The following MCOLN2 variants were observed in gnomAD, a reference collection of about 807,000 sequenced individuals.
MCOLN2 encodes the protein mucolipin-2.
MCOLN2 carries 57 observed loss-of-function variants against 67.5 expected under a neutral mutation model. The ratio of observed to expected loss-of-function variants is 0.84; its 90% CI spans 0.68 to 1.05. The LOEUF (loss-of-function observed/expected upper bound fraction) is 1.05, where lower values mean the gene tolerates loss of function less well. MCOLN2 is among the 50% of genes least tolerant of loss of function. The probability of loss-of-function intolerance (pLI) is 0.00; values close to 1 mark genes in which losing one functional copy is unlikely to be tolerated. For synonymous variants in MCOLN2, 246 were observed against 233.3 expected (o/e 1.05, Z -0.50); for missense variants, 620 against 678.8 (o/e 0.91, Z 0.96).
chr1:84,968,607 G>T (rs1175045835), intron 1 of MCOLN2, among the ~76,000 whole-genome samples: 1 of 152,096 alleles, frequency 6.6e-6, no homozygotes, highest in Non-Finnish European at 1.5e-5. Flanking sequence ...GTTTTTGTCC[G>T]CAGCTCCTAG....
At chr1:84,964,527 G>C (rs538197327) in intron 2 of MCOLN2, among the ~76,000 whole-genome samples, 5 of 85,188 alleles carry the variant, frequency 5.9e-5, no homozygotes, top group East Asian at 6.2e-4. Context: ...GGGCAGGAGT[G>C]GGGGGGGGTG....
Position 84,955,796 on chromosome 1 carries a change from A to T in MCOLN2, c.565+635T>A, listed in dbSNP as rs528551349. On this transcript the variant is annotated intron_variant, in intron 4 of 13. Coordinates refer to ENST00000370608, the MANE Select transcript of MCOLN2 (RefSeq NM_153259.4). ...GAATAACTGGGATTATTACAGTATG[A>T]TATGAAAACATGATGACTACACACC... Among the ~76,000 whole-genome samples, 6 of 152,306 alleles carry T rather than the reference A, an allele frequency of 3.9e-5. No homozygotes were observed. In the South Asian group the frequency reaches 1.2e-3, roughly 32 times the overall value.
intron 13 of MCOLN2, among the ~76,000 whole-genome samples, chr1:84,927,620 C>T (rs1228419381): frequency 6.6e-6 from 1 of 152,132 alleles, no homozygotes; most frequent in East Asian, 1.9e-4. Context: ...GAAGAGTGAC[C>T]ACAGCCGTGC....
chr1:84,994,218 C>T (rs1265360231), intron 1 of MCOLN2, among the ~76,000 whole-genome samples: 1 of 152,208 alleles, frequency 6.6e-6, no homozygotes, highest in African/African-American at 2.4e-5. Flanking sequence ...AGTAGATTAA[C>T]ATAATTCTTA....
rs594412 is a variant in MCOLN2, at chr1:84,928,723, T to A, written c.1664+835A>T. Reference sequence around the variant, plus strand: ...GAAAACAACTCTTCTCAGATCTCATTTTCTATTTACCAGACATTCTCTGGA... The same window carrying A: ...GAAAACAACTCTTCTCAGATCTCATATTCTATTTACCAGACATTCTCTGGA... On this transcript the variant is annotated intron_variant, in intron 13 of 13. Transcript: ENST00000370608. Among the ~76,000 whole-genome samples, 588 of 152,310 alleles carry A rather than the reference T, an allele frequency of 3.9e-3. 8 individuals carry two copies. The highest frequency in any genetic ancestry group is 0.013 in the African/African-American group (559 of 41,578).
In MCOLN2 at chr1:84,929,641, C is replaced by T; in HGVS notation, c.1581G>A (p.Gln527=). 6.2e-7 allele frequency: 1 copy of T among 1,613,678 alleles called. No homozygotes were observed. Among genetic ancestry groups the T allele is most frequent in the Non-Finnish European group, 8.5e-7 (1 of 1,179,714 alleles). Residue 527 remains glutamine (Q), a synonymous_variant, in exon 13 of 14, where the codon CAG becomes CAA. Transcript: ENST00000370608. The part of the protein sequence containing the change: ...QQNGFPETDL[Q]EFLKECSSKE... ...TGCTACTGCATTCCTTCAGGAATTC[C>T]TGCAAATCCGTTTCAGGAAACCCAT...
chr1:84,994,001 T>C (rs895586336), intron 1 of MCOLN2, among the ~76,000 whole-genome samples: 18 of 152,240 alleles, frequency 1.2e-4, no homozygotes, highest in African/African-American at 4.1e-4. Flanking sequence ...TGTTAACATA[T>C]ATGAAAACAA....
At chr1:84,930,139 T>C (rs373214975) in intron 12 of MCOLN2, among the ~76,000 whole-genome samples, 311 of 152,102 alleles carry the variant, frequency 2.0e-3, no homozygotes, top group African/African-American at 7.2e-3. Context: ...GGTGTGCACC[T>C]GTAGTCCCAG....
chr1:84,948,351 A>C (rs989510893), intron 6 of MCOLN2, among the ~76,000 whole-genome samples: 1 of 152,248 alleles, frequency 6.6e-6, no homozygotes, highest in African/African-American at 2.4e-5. Context: ...ACAACTGAAC[A>C]AACTGCATGG....
chr1:84,953,071 G>A (rs565922698), intron 4 of MCOLN2, among the ~76,000 whole-genome samples: 1 of 152,150 alleles, frequency 6.6e-6, no homozygotes, highest in African/African-American at 2.4e-5. Context: ...ATGTGAATAG[G>A]GTTTGTAGAA....
In MCOLN2 at chr1:84,947,025, ATACT is replaced by A. The variant is rs781520244; in HGVS notation, c.847+4_847+7del. 2.0e-5 allele frequency: 26 copies of A among 1,321,768 alleles called. No homozygotes were observed. The highest frequency in any genetic ancestry group is 2.7e-5 in the Non-Finnish European group (25 of 914,904). The allele number at this position is 1,321,768 out of a possible 1,614,324, so 81.9% of individuals were successfully genotyped here. ...TAATTCCCATGGGCAAGTATATAGCATACTTACTAGATCCAAATATGTTCAAGTC... is the reference window on the plus strand; with the variant it reads ...TAATTCCCATGGGCAAGTATATAGCATACTAGATCCAAATATGTTCAAGTC... On this transcript the variant is annotated splice_donor_5th_base_variant and intron_variant, in intron 7 of 13. Transcript: ENST00000370608.
At chr1:84,932,503 G>GT (rs1474183690) in intron 11 of MCOLN2, among the ~76,000 whole-genome samples, 1 of 152,136 alleles carries the variant, frequency 6.6e-6, no homozygotes, top group Non-Finnish European at 1.5e-5. Flanking sequence ...ATGAGCCACT[G>GT]TGCTCAGCTG....
intron 1 of MCOLN2, among the ~76,000 whole-genome samples, chr1:84,975,376 G>A (rs113432413): frequency 2.6e-5 from 4 of 152,182 alleles, no homozygotes; most frequent in African/African-American, 9.7e-5. Context: ...GACAAAAAGG[G>A]TAGAGAACAA....
intron 1 of MCOLN2, among the ~76,000 whole-genome samples, chr1:84,996,197 T>C (rs1651137795): frequency 1.3e-5 from 2 of 152,046 alleles, no homozygotes; most frequent in African/African-American, 4.8e-5. Context: ...CCACATCCCA[T>C]TTCTGGGGAG....
chr1:84,989,849 C>T (rs1371143), intron 1 of MCOLN2, among the ~76,000 whole-genome samples: 23,504 of 152,032 alleles, frequency 0.15, 1,945 homozygotes, highest in East Asian at 0.26. Flanking sequence ...TGAATCTGAA[C>T]AAGCCAGTGA....
Position 84,931,397 on chromosome 1 carries a change from T to C in MCOLN2, c.1507A>G (p.Ile503Val), listed in dbSNP as rs777467136. The C allele has an allele frequency of 2.5e-6, 4 of 1,595,776 alleles. No individual in the cohort carries two copies. In the South Asian group the frequency reaches 4.4e-5, roughly 18 times the overall value. ...LFIYMILSLF[I>V]ALITDSYDTI... ...TCATAAGAATCTGTAATAAGTGCAA[T>C]AAAAAGACTGAGAATCATATATATA... The change falls in exon 12 of 14, where the codon ATT (isoleucine) becomes GTT (valine). Residue 503 changes from isoleucine (I) to valine (V), a missense_variant. By Grantham distance (29) the Ile-to-Val change is conservative (BLOSUM62 3). Transcript: ENST00000370608.
intron 1 of MCOLN2, among the ~76,000 whole-genome samples, chr1:84,994,493 A>G (rs1361591192): frequency 1.3e-5 from 2 of 152,224 alleles, no homozygotes; most frequent in Non-Finnish European, 2.9e-5. Context: ...TGCAGCTTCT[A>G]TATCAGCACT....
intron 1 of MCOLN2, among the ~76,000 whole-genome samples, chr1:84,982,804 G>A (rs1013289893): frequency 2.0e-5 from 3 of 152,164 alleles, no homozygotes; most frequent in African/African-American, 7.2e-5. Context: ...GCAGGTTCAA[G>A]CAATTATCCT....
chr1:84,925,860 G>A lies in MCOLN2; in HGVS notation c.*825C>T, dbSNP rs924390217. The A allele has an allele frequency of 2.0e-5, 3 of 151,850 alleles. No individual in the cohort carries two copies. Among genetic ancestry groups the A allele is most frequent in the African/African-American group, 7.3e-5 (3 of 41,340 alleles). The allele number at this position is 151,850 out of a possible 1,614,324, so 9.4% of individuals were successfully genotyped here. ...ACAGGCCAAGAAATGTCCACTGCAT[G>A]AGCATGAGGTCTTTTTGTTGATTTA... On this transcript the variant is annotated 3_prime_UTR_variant, in exon 14 of 14. Transcript: ENST00000370608.
Sources: allele counts gnomAD v4.1 joint callset (sites outside exome capture counted in the v4.1 genomes callset), GRCh38; gene constraint gnomAD v4.1.1; transcripts MANE v1.5; gene names NCBI Gene and HGNC (gene_info 2026-07-23, HGNC 2026-07-21).